The following PSKH2 variants were observed in gnomAD, a reference collection of about 807,000 sequenced individuals.
PSKH2 encodes the protein serine/threonine-protein kinase H2.
In PSKH2, 16 loss-of-function variants were observed where a neutral mutation model predicts 22.5. The ratio of observed to expected loss-of-function variants is 0.71; its 90% CI spans 0.48 to 1.08. The LOEUF is 1.08. PSKH2 is among the 50% of genes least tolerant of loss of function. PSKH2 has a pLI of 0.00. For synonymous variants in PSKH2, 188 were observed against 184.8 expected, an observed-to-expected ratio of 1.02 and a Z score of -0.14; for missense variants, 516 against 492.8, an observed-to-expected ratio of 1.05 and a Z score of -0.44.
intron 1 of PSKH2, among the ~76,000 whole-genome samples, 175 bp downstream of exon 1, chr8:86,069,263 G>T (rs549269251): frequency 2.0e-5 from 3 of 152,226 alleles, no homozygotes; most frequent in Admixed American, 1.3e-4. Context: ...AGACACTCTT[G>T]GGTTGTAGAA....
intron 2 of PSKH2, among the ~76,000 whole-genome samples, chr8:86,053,719 C>T (rs953892134): frequency 2.0e-5 from 3 of 152,086 alleles, no homozygotes; most frequent in Non-Finnish European, 4.4e-5. Context: ...AGTTCCTTTG[C>T]ATAAATGCCC....
Position 86,048,403 on chromosome 8 carries a change from G to T in PSKH2, c.*59C>A. ...TCCCGTGTCTTTGGAGCTTGAGGGT[G>T]CCCTAATCATGATGAAATGGTCCTA... is the stretch of plus-strand genomic sequence containing the variant. On this transcript the variant is annotated 3_prime_UTR_variant, in exon 3 of 3. Transcript: ENST00000276616. 1 of 1,258,942 alleles carries T rather than the reference G, an allele frequency of 7.9e-7. No individual in the cohort carries two copies. 78.0% of individuals were successfully genotyped at this position (1,258,942 alleles called of 1,614,324 possible).
chr8:86,061,665 GAT>G (rs1227630985), intron 2 of PSKH2, among the ~76,000 whole-genome samples: 16 of 152,266 alleles, frequency 1.1e-4, no homozygotes, highest in African/African-American at 3.9e-4. Flanking sequence ...GAGAGCCAGA[GAT>G]GCATAGAAAG....
In PSKH2 at chr8:86,064,004, G is replaced by T. The variant is rs1035193442; in HGVS notation, c.813C>A (p.Tyr271Ter). The change falls in exon 2 of 3, where the codon TAC (tyrosine) becomes TAA (stop). Residue 271 changes from tyrosine to a stop codon, truncating the protein, a stop_gained. Transcript: ENST00000276616. LOFTEE classifies it low-confidence loss of function (END_TRUNC). ...PFDDESQTRLYRKILKGKYNY... is the reference protein window; with the variant it reads ...PFDDESQTRL The stretch of plus-strand genomic sequence containing the variant: ...TATATTTGCCTTTCAGAATCTTCCT[G>T]TAAAGCCTTGTCTGGCTTTCATCAT... 3.7e-6 allele frequency: 6 copies of T among 1,613,630 alleles called. No homozygotes were observed. Among genetic ancestry groups the T allele is most frequent in the Non-Finnish European group, 5.1e-6 (6 of 1,179,804 alleles).
At chr8:86,052,729 A>C (rs539243110) in intron 2 of PSKH2, among the ~76,000 whole-genome samples, 1 of 152,338 alleles carries the variant, frequency 6.6e-6, no homozygotes, top group South Asian at 2.1e-4. Context: ...CACCCTCAAA[A>C]AAAAGTTATG....
At chr8:86,051,442 T>C (rs564004738) in intron 2 of PSKH2, among the ~76,000 whole-genome samples, 10 of 152,194 alleles carry the variant, frequency 6.6e-5, no homozygotes, top group Non-Finnish European at 1.2e-4. Flanking sequence ...TTTTTTTTCC[T>C]TCAGTGTATT....
chr8:86,053,123 T>C (rs1195376412), intron 2 of PSKH2, among the ~76,000 whole-genome samples: 2 of 152,200 alleles, frequency 1.3e-5, no homozygotes, highest in African/African-American at 4.8e-5. Flanking sequence ...ATGAACAATA[T>C]TCCTCTGTTG....
chr8:86,067,695 C>A (rs1817885151), intron 1 of PSKH2, among the ~76,000 whole-genome samples: 1 of 152,104 alleles, frequency 6.6e-6, no homozygotes, highest in Non-Finnish European at 1.5e-5. Context: ...AATAGTGTTA[C>A]AATCTGCTTG....
chr8:86,064,028 A>G lies in PSKH2; in HGVS notation c.789T>C (p.Asp263=). 6.2e-7 allele frequency: 1 copy of G among 1,614,102 alleles called. No individual in the cohort carries two copies. Among genetic ancestry groups the G allele is most frequent in the Non-Finnish European group, 8.5e-7 (1 of 1,180,004 alleles). The change falls in exon 2 of 3, where the codon GAT becomes GAC. Residue 263 remains aspartate, a synonymous_variant. Transcript: ENST00000276616. ...TGTAAAGCCTTGTCTGGCTTTCATC[A>G]TCAAAAGGCAGGAATCCGCTAAGTA... The part of the protein sequence containing the change: ...YALLSGFLPF[D]DESQTRLYRK...
intron 2 of PSKH2, 152 bp from the exon 3 acceptor site, chr8:86,048,919 T>C (rs1817571633): frequency 5.1e-6 from 3 of 593,268 alleles, no homozygotes; most frequent in Admixed American, 3.4e-5. Context: ...TCATTACATA[T>C]ATAGAGGAAC....
chr8:86,054,627 G>A (rs1035618861), intron 2 of PSKH2, among the ~76,000 whole-genome samples: 3 of 152,106 alleles, frequency 2.0e-5, no homozygotes, highest in Admixed American at 6.5e-5. Flanking sequence ...AAACGAAACT[G>A]CAGAAAGACA....
chr8:86,056,801 G>A (rs994187829), intron 2 of PSKH2, among the ~76,000 whole-genome samples: 2 of 151,960 alleles, frequency 1.3e-5, no homozygotes, highest in African/African-American at 4.8e-5. Flanking sequence ...CACAAATGCA[G>A]AAACTGAGAT....
chr8:86,062,328 T>C (rs1340948094), intron 2 of PSKH2, among the ~76,000 whole-genome samples: 1 of 152,234 alleles, frequency 6.6e-6, no homozygotes, highest in African/African-American at 2.4e-5. Context: ...ATTAGTACTC[T>C]TACAGTGAAA....
rs200892636 is a variant in PSKH2, at chr8:86,052,725, C to CA, written c.853-3959dup. 5.9e-3 allele frequency among the ~76,000 whole-genome samples: 901 copies of CA among 151,602 alleles called. 8 individuals carry two copies. The highest frequency in any genetic ancestry group is 0.021 in the African/African-American group (875 of 41,362). ...CAATAGCATGACAAATGTGCACCCT[C>CA]AAAAAAAAGTTATGTGTTAAGAGGT... On this transcript the variant is annotated intron_variant, in intron 2 of 2. Coordinates refer to ENST00000276616, the MANE Select transcript of PSKH2 (RefSeq NM_033126.3).
At chr8:86,060,789 C>T (rs561852175) in intron 2 of PSKH2, among the ~76,000 whole-genome samples, 61 of 152,286 alleles carry the variant, frequency 4.0e-4, no homozygotes, top group African/African-American at 1.1e-3. Context: ...AGCAGTCACA[C>T]TCCTCTGTGG....
intron 2 of PSKH2, among the ~76,000 whole-genome samples, chr8:86,059,819 T>C (rs1376215428): frequency 6.6e-6 from 1 of 152,192 alleles, no homozygotes; most frequent in East Asian, 1.9e-4. Context: ...AACCAAAATA[T>C]ATCCACCAAA....
At chr8:86,056,265 C>A (rs930736191) in intron 2 of PSKH2, among the ~76,000 whole-genome samples, 6 of 151,984 alleles carry the variant, frequency 3.9e-5, no homozygotes, top group Admixed American at 3.9e-4. Flanking sequence ...TGCACTCTAG[C>A]CTCCTGGGTG....
In PSKH2 at chr8:86,048,724, T is replaced by G; in HGVS notation, c.896A>C (p.Lys299Thr). ...ISHLAKDFIDKLLILEAGHRM... is the reference protein window; with the variant it reads ...ISHLAKDFIDTLLILEAGHRM... The stretch of plus-strand genomic sequence containing the variant: ...ATGACCAGCCTCCAAAATCAGTAGT[T>G]TGTCTATAAAGTCCTTCGCCAAGTG... Residue 299 changes from lysine (K) to threonine (T), a missense_variant, in exon 3 of 3, where the codon AAA (lysine) becomes ACA (threonine). By Grantham distance (78) the Lys-to-Thr change is moderately conservative. Transcript: ENST00000276616. The G allele has an allele frequency of 6.2e-7, 1 of 1,613,958 alleles. No homozygotes were observed. Among genetic ancestry groups the G allele is most frequent in the Non-Finnish European group, 8.5e-7 (1 of 1,179,996 alleles).
At chr8:86,049,767 GAGAAA>G (rs1322479483) in intron 2 of PSKH2, among the ~76,000 whole-genome samples, 3 of 124,070 alleles carry the variant, frequency 2.4e-5, no homozygotes, top group African/African-American at 8.2e-5. Context: ...AAGAAAGAAA[GAGAAA>G]AGAAAGAAAA....
Sources: gnomAD v4.1 joint callset for allele counts (sites outside exome capture counted in the v4.1 genomes callset) on GRCh38, gnomAD v4.1.1 for gene constraint, MANE v1.5 for transcripts, NCBI Gene and HGNC (gene_info 2026-07-23, HGNC 2026-07-21) for gene names.